The following CORO7 variants were observed in gnomAD, a reference collection of about 807,000 sequenced individuals.
CORO7 encodes the protein coronin-7.
Under a neutral mutation model 126.6 loss-of-function variants are expected in CORO7, and 107 were observed. The observed-to-expected ratio is 0.85, with a 90% CI of 0.72 to 0.99. CORO7 has a LOEUF of 0.99. CORO7 is among the 50% of genes least tolerant of loss of function. CORO7 has a pLI of 0.00. For missense variants in CORO7, 1,314 were observed against 1,255.8 expected (o/e 1.05, Z -0.70); for synonymous variants, 603 against 536.8 (o/e 1.12, Z -1.70).
chr16:4,357,765 G>T (rs111276392), intron 25 of CORO7: 26 of 837,624 alleles, frequency 3.1e-5, no homozygotes, highest in African/African-American at 2.2e-4. Flanking sequence ...GTGTGTGTGT[G>T]TTAGGGGTGG....
intron 9 of CORO7, among the ~76,000 whole-genome samples, chr16:4,377,779 T>C (rs1392054392): frequency 1.3e-5 from 2 of 152,086 alleles, no homozygotes; most frequent in African/African-American, 4.8e-5. Context: ...CCTCCTCCCT[T>C]TGATGTGGGG....
At chr16:4,395,987 A>G (rs79151135) in intron 6 of CORO7, among the ~76,000 whole-genome samples, 4 of 37,172 alleles carry the variant, frequency 1.1e-4, no homozygotes, top group Non-Finnish European at 1.4e-4. Flanking sequence ...GTGTGTGTGC[A>G]TGCACACGTT....
intron 6 of CORO7, among the ~76,000 whole-genome samples, chr16:4,402,274 G>C (rs940335966): frequency 6.6e-6 from 1 of 151,100 alleles, no homozygotes; most frequent in African/African-American, 2.4e-5. Flanking sequence ...TGTTTTTTAA[G>C]AGAGAGGGTC....
intron 23 of CORO7, 93 bp from the exon 24 acceptor site, chr16:4,358,576 G>T: frequency 8.2e-7 from 1 of 1,222,634 alleles, no homozygotes; most frequent in Non-Finnish European, 1.1e-6. Context: ...CCTCACTTAG[G>T]ACCACCATGC....
intron 9 of CORO7, among the ~76,000 whole-genome samples, chr16:4,384,909 G>A (rs1183036987): frequency 6.6e-6 from 1 of 152,138 alleles, no homozygotes; most frequent in East Asian, 1.9e-4. Context: ...GAACACGGCG[G>A]CTGCTGAAGA....
chr16:4,366,125 T>C (rs559912060), intron 9 of CORO7, among the ~76,000 whole-genome samples: 1 of 152,252 alleles, frequency 6.6e-6, no homozygotes, highest in African/African-American at 2.4e-5. Flanking sequence ...AGTTCCTGTG[T>C]CCAAATCTGA....
At position 4,355,031 on chromosome 16, in the gene CORO7, G is replaced by T; in HGVS notation, c.*127C>A. On this transcript the variant is annotated 3_prime_UTR_variant, in exon 28 of 28. Coordinates refer to ENST00000251166, the MANE Select transcript of CORO7 (RefSeq NM_024535.5). ...GCCCAGAGGATGTGGAAGTGCCCACGGGAAGGCAGGAGTGCAGGGGTGACA... is the reference window on the plus strand; with the variant it reads ...GCCCAGAGGATGTGGAAGTGCCCACTGGAAGGCAGGAGTGCAGGGGTGACA... 9.3e-7 allele frequency: 1 copy of T among 1,079,218 alleles called. No homozygotes were observed. The highest frequency in any genetic ancestry group is 1.3e-6 in the Non-Finnish European group (1 of 788,010). The allele number at this position is 1,079,218 out of a possible 1,614,324, so 66.9% of individuals were successfully genotyped here.
At position 4,365,027 on chromosome 16, in the gene CORO7, G is replaced by A. The variant is rs151009989; in HGVS notation, c.874C>T (p.Pro292Ser). 1.9e-5 allele frequency: 31 copies of A among 1,605,778 alleles called. No individual in the cohort carries two copies. The highest frequency in any genetic ancestry group is 2.5e-5 in the Non-Finnish European group (29 of 1,176,676). Residue 292 changes from proline to serine, a missense_variant, in exon 11 of 28, where the codon CCG (proline) becomes TCG (serine). Physicochemically the swap from Pro to Ser is moderately conservative, Grantham distance 74. Coordinates refer to ENST00000251166, the MANE Select transcript of CORO7 (RefSeq NM_024535.5). ...ERQLYCYEVV[P>S]QQPALSPVTQ... ...CCTGGGCTCAGCGCCGGCTGCTGCGGGACCACCTCGTAACAGTACAGCTGC... is the reference window on the plus strand; with the variant it reads ...CCTGGGCTCAGCGCCGGCTGCTGCGAGACCACCTCGTAACAGTACAGCTGC...
Position 4,362,793 on chromosome 16 carries a change from A to T in CORO7, c.1276-55T>A. 7.8e-7 allele frequency: 1 copy of T among 1,284,196 alleles called. No homozygotes were observed. The highest frequency in any genetic ancestry group is 9.9e-7 in the Non-Finnish European group (1 of 1,012,472). The allele number at this position is 1,284,196 out of a possible 1,614,324, so 79.6% of individuals were successfully genotyped here. A position where few individuals can be genotyped will look rare whatever the true frequency, so the allele number is the denominator to read the frequency against. ...GCTCCTAGGTGTACTGGCCAAAAGG[A>T]GGGGGTGCCAGCGGACTCCAGGGTC... On this transcript the variant is annotated intron_variant, in intron 14 of 27. Transcript: ENST00000251166. The surrounding 1 kb of genome is among the most constrained non-coding windows in gnomAD (Gnocchi z 5.3).
intron 23 of CORO7, 146 bp downstream of exon 23, chr16:4,359,150 G>T: frequency 2.4e-6 from 2 of 830,518 alleles, no homozygotes; most frequent in Non-Finnish European, 3.6e-6. Context: ...AACTCTTCTT[G>T]CCAGTCACTG....
At chr16:4,411,594 T>A (rs1212584711) in intron 3 of CORO7, among the ~76,000 whole-genome samples, 2 of 152,132 alleles carry the variant, frequency 1.3e-5, no homozygotes, top group Admixed American at 6.6e-5. Context: ...GCTAACGTAC[T>A]TAGTACAGAG....
intron 7 of CORO7, 78 bp from the exon 8 acceptor site, chr16:4,388,709 G>A (rs2055283130): frequency 2.0e-6 from 3 of 1,470,548 alleles, no homozygotes; most frequent in African/African-American, 2.8e-5. Flanking sequence ...GCCTGAGCTG[G>A]GGAACTTCTG....
chr16:4,410,406 CAGAGACAG>C (rs1044120528), intron 3 of CORO7, among the ~76,000 whole-genome samples: 6 of 152,162 alleles, frequency 3.9e-5, no homozygotes, highest in Non-Finnish European at 7.4e-5. Flanking sequence ...GCCTGGATGA[CAGAGACAG>C]AGACCCTGTC....
rs2053942310 is a variant in CORO7, at chr16:4,355,349, T to C, written c.2709A>G (p.Lys903=). Residue 903 remains lysine (K), a synonymous_variant, in exon 27 of 28, where the codon AAA becomes AAG. Transcript: ENST00000251166. ...GGAGTGGGTCCTCCCGGTTCCCCAG[T>C]TTTGCCACCATGGCATTCAGCAGCT... ...KEELLNAMVA[K]LGNREDPLPQ... is the part of the protein sequence containing the mutation. The C allele has an allele frequency of 6.2e-7, 1 of 1,611,772 alleles. No homozygotes were observed.
At chr16:4,379,441 G>A (rs2141239279) in intron 9 of CORO7, among the ~76,000 whole-genome samples, 1 of 152,154 alleles carries the variant, frequency 6.6e-6, no homozygotes, top group African/African-American at 2.4e-5. Context: ...GGAGCGGCTG[G>A]TGGGAGCCCC....
Position 4,364,345 on chromosome 16 carries a change from A to AG in CORO7, c.1205dup (p.Ala403CysfsTer6). 1 of 1,528,422 alleles carries AG rather than the reference A, an allele frequency of 6.5e-7. No individual in the cohort carries two copies. Among genetic ancestry groups the AG allele is most frequent in the South Asian group, 1.3e-5 (1 of 76,688 alleles). 94.7% of individuals were successfully genotyped at this position (1,528,422 alleles called of 1,614,324 possible). ...GGGCTGTGTCAGGGAGGGGCTCCGC[A>AG]GGGGGCACCAGACAGGAAGTGAAGC... On this transcript the variant is annotated frameshift_variant, in exon 14 of 28. Transcript: ENST00000251166. LOFTEE classifies it high-confidence loss of function.
Position 4,358,766 on chromosome 16 carries a change from A to G in CORO7, c.2341-283T>C, listed in dbSNP as rs1241592915. On this transcript the variant is annotated intron_variant, in intron 23 of 27. Transcript: ENST00000251166. ...TGTTGGGAAGAGATGTAAATAGCAC[A>G]TCATCCTGCATTTCCTCCATGCACT... The G allele has an allele frequency of 1.9e-5, 7 of 375,470 alleles. No individual in the cohort carries two copies. In the East Asian group the frequency reaches 2.9e-4, roughly 16 times the overall value. The allele number at this position is 375,470 out of a possible 1,614,324, so 23.3% of individuals were successfully genotyped here.
At position 4,364,940 on chromosome 16, in the gene CORO7, G is replaced by C; in HGVS notation, c.899-20C>G. The C allele has an allele frequency of 6.2e-7, 1 of 1,609,056 alleles. No homozygotes were observed. The highest frequency in any genetic ancestry group is 8.5e-7 in the Non-Finnish European group (1 of 1,178,266). On this transcript the variant is annotated intron_variant, in intron 11 of 27. Transcript: ENST00000251166. ...GGGTCACTGTTGAGGACACCATAGG[G>C]GAACAGGCAGGATGGGCAGGGGAGG...
In CORO7 at chr16:4,358,098, C is replaced by T; in HGVS notation, c.2463G>A (p.Glu821=). Residue 821 remains glutamate (E), a synonymous_variant, in exon 25 of 28, where the codon GAG becomes GAA. Coordinates refer to ENST00000251166, the MANE Select transcript of CORO7 (RefSeq NM_024535.5). ...VAFRLPRVRK[E]FFQDDVFPDT... ...CTGGGAACACGTCATCCTGGAAGAA[C>T]TCTTTCTGCAGAGGGAGAAACGGGC... The T allele has an allele frequency of 6.2e-7, 1 of 1,611,774 alleles. No homozygotes were observed. Among genetic ancestry groups the T allele is most frequent in the Non-Finnish European group, 8.5e-7 (1 of 1,178,420 alleles).
Sources: gnomAD v4.1 joint callset for allele counts (sites outside exome capture counted in the v4.1 genomes callset) on GRCh38, gnomAD v4.1.1 for gene constraint, Gnocchi (gnomAD v3.1) non-coding constraint, MANE v1.5 for transcripts, NCBI Gene and HGNC (gene_info 2026-07-23, HGNC 2026-07-21) for gene names.